Variants in IL11RA observed in about 807,000 individuals in gnomAD.
IL11RA encodes interleukin-11 receptor subunit alpha.
A neutral mutation model predicts 57.0 loss-of-function variants in IL11RA; 51 were observed. The observed-to-expected ratio is 0.89, with a 90% confidence interval of 0.71 to 1.13. The LOEUF (loss-of-function observed/expected upper bound fraction) is 1.13, where lower values mean the gene tolerates loss of function less well. Ranked by LOEUF, IL11RA falls within the 50% of genes most tolerant of loss-of-function variation. IL11RA has a pLI of 0.00. For synonymous variants in IL11RA, 199 were observed against 217.5 expected (o/e 0.91, Z 0.75); for missense variants, 498 against 539.4 (o/e 0.92, Z 0.76).
In IL11RA at chr9:34,659,791, A is replaced by G. The variant is rs1821416484; in HGVS notation, c.843A>G (p.Thr281=). The change falls in exon 9 of 13, where the codon ACA becomes ACG. Residue 281 remains threonine, a synonymous_variant. Transcript: ENST00000441545. ...VEPAGLEEVI[T]DAVAGLPHAV... ...CAGCTGGACTGGAGGAGGTGATCAC[A>G]GATGCTGTGGCTGGGCTGCCCCATG... The G allele has an allele frequency of 1.9e-6, 3 of 1,614,214 alleles. No homozygotes were observed. The highest frequency in any genetic ancestry group is 2.5e-6 in the Non-Finnish European group (3 of 1,180,038).
rs1024372290 is a variant in IL11RA, at chr9:34,658,009, G to A, written c.646+422G>A. 1.3e-5 allele frequency among the ~76,000 whole-genome samples: 2 copies of A among 152,126 alleles called. No homozygotes were observed. The highest frequency in any genetic ancestry group is 1.9e-4 in the East Asian group (1 of 5,188). ...CAAGAAGCACTTCAAAAGTCCACCC[G>A]CAGATCTCAGGTGGTTTCTTTTTTT... On this transcript the variant is annotated intron_variant, in intron 7 of 12. Transcript: ENST00000441545. The surrounding 1 kb of genome is among the most constrained non-coding windows in gnomAD (Gnocchi z 4.0).
In IL11RA at chr9:34,660,321, C is replaced by G. The variant is rs1478033195; in HGVS notation, c.1000C>G (p.Pro334Ala). Residue 334 changes from proline to alanine, a missense_variant, in exon 10 of 13, where the codon CCA (proline) becomes GCA (alanine). Pro to Ala is a conservative substitution (Grantham distance 27). Coordinates refer to ENST00000441545, the MANE Select transcript of IL11RA (RefSeq NM_001142784.3). ...AGCATGGGGCCAGCTACACACGCAG[C>G]CAGAGGTGGAGCCTCAGGTGGACAG... ...IPAWGQLHTQ[P>A]EVEPQVDSPA... 1 of 1,614,254 alleles carries G rather than the reference C, an allele frequency of 6.2e-7. No individual in the cohort carries two copies. Among genetic ancestry groups the G allele is most frequent in the South Asian group, 1.1e-5 (1 of 91,090 alleles).
chr9:34,660,599 T>TG lies in IL11RA; in HGVS notation c.1169+1dup. 2 of 1,612,860 alleles carry TG rather than the reference T, an allele frequency of 1.2e-6. No individual in the cohort carries two copies. The highest frequency in any genetic ancestry group is 1.7e-6 in the Non-Finnish European group (2 of 1,178,848). On this transcript the variant is annotated frameshift_variant and splice_region_variant, in exon 11 of 13. Coordinates refer to ENST00000441545, the MANE Select transcript of IL11RA (RefSeq NM_001142784.3). LOFTEE classifies it high-confidence loss of function. Reference sequence around the variant, plus strand: ...GGCTGGGGCCCTGGCACTGGGGCTCTGGTAAGTGACTGCCATTGGTCCCTC... The same window carrying TG: ...GGCTGGGGCCCTGGCACTGGGGCTCTGGGTAAGTGACTGCCATTGGTCCCTC...
chr9:34,656,820 G>C lies in IL11RA; in HGVS notation c.243G>C (p.Leu81=), dbSNP rs753383656. 1 of 1,614,158 alleles carries C rather than the reference G, an allele frequency of 6.2e-7. No homozygotes were observed. Among genetic ancestry groups the C allele is most frequent in the Non-Finnish European group, 8.5e-7 (1 of 1,180,020 alleles). ...CTGGGCTAGGGCATGAACTGGTCCT[G>C]GCCCAGGCAGACAGCACTGATGAGG... ...PDSGLGHELV[L]AQADSTDEGT... The change falls in exon 4 of 13, where the codon CTG becomes CTC. Residue 81 remains leucine, a synonymous_variant. Transcript: ENST00000441545.
chr9:34,655,562 G>A, intron 2 of IL11RA, 43 bp from the exon 3 acceptor site: 1 of 1,569,952 alleles, frequency 6.4e-7, no homozygotes, highest in East Asian at 2.2e-5. Context: ...AAAGTGGGGA[G>A]GGGGGTAAAG....
chr9:34,656,707 C>T (rs1436026351), intron 3 of IL11RA, 32 bp from the exon 4 acceptor site: 4 of 1,612,884 alleles, frequency 2.5e-6, no homozygotes, highest in Non-Finnish European at 3.4e-6. Context: ...GACATCTTGT[C>T]TTTGTCCATT....
chr9:34,660,154 C>T, intron 9 of IL11RA, 120 bp from the exon 10 acceptor site: 1 of 1,460,982 alleles, frequency 6.8e-7, no homozygotes, highest in Non-Finnish European at 9.6e-7. Context: ...CTGGCCATGC[C>T]CTATCAGGCT....
intron 3 of IL11RA, 78 bp from the exon 4 acceptor site, chr9:34,656,661 C>A: frequency 6.5e-7 from 1 of 1,527,736 alleles, no homozygotes; most frequent in East Asian, 2.3e-5. Flanking sequence ...CAGTTAGAAG[C>A]CAATGGAGAG....
At position 34,655,258 on chromosome 9, in the gene IL11RA, C is replaced by T. The variant is rs1175411073; in HGVS notation, c.41C>T (p.Ala14Val). The change falls in exon 2 of 13, where the codon GCC becomes GTC. Residue 14 changes from alanine (A) to valine (V), a missense_variant. Physicochemically the swap from Ala to Val is moderately conservative, Grantham distance 64 (BLOSUM62 0). Transcript: ENST00000441545. Reference protein sequence around the residue: ...SCSGLSRVLVAVATALVSASS... With the variant: ...SCSGLSRVLVVVATALVSASS... ...TCAGGGCTGAGCAGGGTCCTGGTGG[C>T]CGTGGCTACAGCCCTGGTGTCTGCC... 3.7e-6 allele frequency: 6 copies of T among 1,612,156 alleles called. No homozygotes were observed. In the South Asian group the frequency reaches 6.6e-5, roughly 18 times the overall value.
chr9:34,653,411 A>G lies in IL11RA; in HGVS notation c.-1+1178A>G, dbSNP rs1400248003. On this transcript the variant is annotated intron_variant, in intron 1 of 12. Transcript: ENST00000441545. The surrounding 1 kb of genome is among the most constrained non-coding windows in gnomAD (Gnocchi z 4.5). ...CAAAGAATGGAGGGGGAGGTGAGAA[A>G]TGGCTGGAACTTCCAGGGGAGGGGG... Among the ~76,000 whole-genome samples the G allele has an allele frequency of 6.6e-6, 1 of 151,838 alleles. No individual in the cohort carries two copies.
chr9:34,652,326 A>T (rs915605389), intron 1 of IL11RA, 93 bp downstream of exon 1: 1 of 153,422 alleles, frequency 6.5e-6, no homozygotes, highest in African/African-American at 2.4e-5. Flanking sequence ...AACGACTGTC[A>T]GTGTGTATGT....
At chr9:34,655,768 A>G (rs567471125) in intron 3 of IL11RA, 103 bp downstream of exon 3, 5 of 917,902 alleles carry the variant, frequency 5.4e-6, no homozygotes, top group Non-Finnish European at 8.9e-6. Flanking sequence ...TCTGTCCGTA[A>G]TCCTCACCTC....
chr9:34,659,267 C>T (rs541280634), intron 8 of IL11RA, among the ~76,000 whole-genome samples: 1 of 152,300 alleles, frequency 6.6e-6, no homozygotes, highest in Non-Finnish European at 1.5e-5. Context: ...CCTAGAGGCA[C>T]ATTCTCCTAC....
At position 34,655,655 on chromosome 9, in the gene IL11RA, G is replaced by A. The variant is rs773677996; in HGVS notation, c.151G>A (p.Val51Met). 1 of 1,614,054 alleles carries A rather than the reference G, an allele frequency of 6.2e-7. No individual in the cohort carries two copies. The highest frequency in any genetic ancestry group is 1.1e-5 in the South Asian group (1 of 91,074). Residue 51 changes from valine to methionine, a missense_variant, in exon 3 of 13, where the codon GTG becomes ATG. Coordinates refer to ENST00000441545, the MANE Select transcript of IL11RA (RefSeq NM_001142784.3). ...GTCCGTGAAGCTGTGTTGTCCTGGA[G>A]TGACTGCCGGGTAAGTGCCCCACCT... ...GRSVKLCCPG[V>M]TAGDPVSWFR...
Position 34,656,890 on chromosome 9 carries a change from G to A in IL11RA, c.313G>A (p.Val105Met), listed in dbSNP as rs1564104696. Residue 105 changes from valine (V) to methionine (M), a missense_variant, in exon 4 of 13, where the codon GTG becomes ATG. Val to Met is a conservative substitution (Grantham distance 21, BLOSUM62 1). Coordinates refer to ENST00000441545, the MANE Select transcript of IL11RA (RefSeq NM_001142784.3). ...CCTGGATGGTGCACTTGGGGGCACA[G>A]TGACCCTGCAGCTGGGCTGTGAGTT... ...QTLDGALGGT[V>M]TLQLGYPPAR... 3 of 1,614,044 alleles carry A rather than the reference G, an allele frequency of 1.9e-6. No homozygotes were observed. The highest frequency in any genetic ancestry group is 1.7e-6 in the Non-Finnish European group (2 of 1,180,022).
At position 34,652,191 on chromosome 9, in the gene IL11RA, C is replaced by CGAGGGCGAGGGCA; in HGVS notation, c.-35_-23dup. 1 of 153,324 alleles carries CGAGGGCGAGGGCA rather than the reference C, an allele frequency of 6.5e-6. No homozygotes were observed. Among genetic ancestry groups the CGAGGGCGAGGGCA allele is most frequent in the Admixed American group, 6.5e-5 (1 of 15,288 alleles). The allele number at this position is 153,324 out of a possible 1,614,324, so 9.5% of individuals were successfully genotyped here. ...AGGGAGTAGAGGCCGGGGCAGAGGGCGAGGGCGAGGGCAGAGGGCGCTGGC... is the reference window on the plus strand; with the variant it reads ...AGGGAGTAGAGGCCGGGGCAGAGGGCGAGGGCGAGGGCAGAGGGCGAGGGCAGAGGGCGCTGGC... On this transcript the variant is annotated 5_prime_UTR_variant, in exon 1 of 13. Coordinates refer to ENST00000441545, the MANE Select transcript of IL11RA (RefSeq NM_001142784.3).
chr9:34,658,322 A>G lies in IL11RA; in HGVS notation c.647-198A>G, dbSNP rs1323638282. Among the ~76,000 whole-genome samples, 1 of 152,216 alleles carries G rather than the reference A, an allele frequency of 6.6e-6. No homozygotes were observed. Among genetic ancestry groups the G allele is most frequent in the Non-Finnish European group, 1.5e-5 (1 of 68,038 alleles). Reference sequence around the variant, plus strand: ...CTTCCAGAGTGCTGAGATTACAGGCATGAGCCACCACACGCGGCCTCAGCC... The same window carrying G: ...CTTCCAGAGTGCTGAGATTACAGGCGTGAGCCACCACACGCGGCCTCAGCC... On this transcript the variant is annotated intron_variant, in intron 7 of 12. Transcript: ENST00000441545. This position sits in a 1 kb window ranked among gnomAD's most constrained non-coding sequence, Gnocchi z 4.0.
intron 7 of IL11RA, 94 bp downstream of exon 7, chr9:34,657,681 C>G: frequency 8.2e-7 from 1 of 1,226,826 alleles, no homozygotes; most frequent in East Asian, 2.5e-5. Flanking sequence ...AGTTTCCTCC[C>G]AACCTAGACT....
In IL11RA at chr9:34,660,848, C is replaced by T. The variant is rs777123846; in HGVS notation, c.1170-6C>T. The T allele has an allele frequency of 6.2e-7, 1 of 1,613,456 alleles. No individual in the cohort carries two copies. The highest frequency in any genetic ancestry group is 8.5e-7 in the Non-Finnish European group (1 of 1,179,386). ...TTGGAGAGACAGCTGCCTTTCTATG[C>T]CCCAGGCTGAGGCTGAGACGGGGTG... is the stretch of plus-strand genomic sequence containing the variant. On this transcript the variant is annotated splice_region_variant and splice_polypyrimidine_tract_variant and intron_variant, in intron 11 of 12. Coordinates refer to ENST00000441545, the MANE Select transcript of IL11RA (RefSeq NM_001142784.3).
Sources: allele counts gnomAD v4.1 joint callset (sites outside exome capture counted in the v4.1 genomes callset), GRCh38; gene constraint gnomAD v4.1.1; non-coding constraint Gnocchi (gnomAD v3.1); transcripts MANE v1.5; gene names NCBI Gene and HGNC (gene_info 2026-07-23, HGNC 2026-07-21).